Variants in PCCB observed in about 807,000 individuals in gnomAD.
PCCB encodes propionyl-CoA carboxylase subunit beta.
A neutral mutation model predicts 60.7 loss-of-function variants in PCCB; 43 were observed. The ratio of observed to expected loss-of-function variants is 0.71; its 90% CI spans 0.55 to 0.91. The LOEUF is 0.91. PCCB is among the 40% of genes least tolerant of loss of function. The pLI is 0.00. For synonymous variants in PCCB, 276 were observed against 255.9 expected (o/e 1.08, Z -0.75); for missense variants, 766 against 702.8 (o/e 1.09, Z -1.02).
chr3:136,279,393 T>C (rs1484306522), intron 5 of PCCB, among the ~76,000 whole-genome samples: 2 of 152,180 alleles, frequency 1.3e-5, no homozygotes, highest in East Asian at 1.9e-4. Flanking sequence ...GGTGGTGATA[T>C]TTAGTTGAGT....
At chr3:136,314,663 CAA>C (rs1001015691) in intron 9 of PCCB, among the ~76,000 whole-genome samples, 1 of 151,282 alleles carries the variant, frequency 6.6e-6, no homozygotes, top group Non-Finnish European at 1.5e-5. Flanking sequence ...TCAAGAAAAA[CAA>C]AAACAAAAAC....
chr3:136,262,217 G>A, intron 5 of PCCB, 152 bp downstream of exon 5: 1 of 680,384 alleles, frequency 1.5e-6, no homozygotes. Context: ...GTGGGATGAA[G>A]GGTAGATGAA....
chr3:136,290,671 GTTTTT>G (rs61191314), intron 6 of PCCB, among the ~76,000 whole-genome samples: 11 of 60,050 alleles, frequency 1.8e-4, no homozygotes, highest in African/African-American at 5.3e-4. Context: ...TCTCTGTGTA[GTTTTT>G]TTTTTTTTTT....
chr3:136,311,893 A>G (rs557106786), intron 9 of PCCB, among the ~76,000 whole-genome samples: 8 of 152,364 alleles, frequency 5.3e-5, no homozygotes, highest in East Asian at 1.9e-4. Flanking sequence ...AAGTTGTTCT[A>G]TAAATTTAAG....
At chr3:136,294,319 T>C (rs1013761928) in intron 7 of PCCB, among the ~76,000 whole-genome samples, 1 of 151,210 alleles carries the variant, frequency 6.6e-6, no homozygotes, top group Non-Finnish European at 1.5e-5. Flanking sequence ...GTTGTTAACT[T>C]CTTTTTTTTT....
At chr3:136,268,121 T>C (rs867767416) in intron 5 of PCCB, among the ~76,000 whole-genome samples, 2 of 130,728 alleles carry the variant, frequency 1.5e-5, no homozygotes, top group South Asian at 2.3e-4. Flanking sequence ...TATATATATA[T>C]GTATATATAT....
chr3:136,325,240 G>T (rs1300382194), intron 10 of PCCB, among the ~76,000 whole-genome samples: 1 of 152,104 alleles, frequency 6.6e-6, no homozygotes, highest in Non-Finnish European at 1.5e-5. Context: ...GCCCAGGCAG[G>T]TCTCAAACTC....
intron 5 of PCCB, among the ~76,000 whole-genome samples, chr3:136,270,414 A>G (rs1393496977): frequency 3.3e-5 from 5 of 152,180 alleles, no homozygotes; most frequent in Non-Finnish European, 7.4e-5. Context: ...TAGGTTCCCT[A>G]TGCACTGGTT....
At position 136,299,596 on chromosome 3, in the gene PCCB, GTA is replaced by G. The variant is rs1376157280; in HGVS notation, c.885-1432_885-1431del. ...CATGTGTATGTATAGGTATGCATGT[GTA>G]TGTATGTATATGCATGTGTATGTAT... On this transcript the variant is annotated intron_variant, in intron 8 of 14. Coordinates refer to ENST00000251654, the MANE Select transcript of PCCB (RefSeq NM_000532.5). 4.0e-5 allele frequency among the ~76,000 whole-genome samples: 4 copies of G among 99,706 alleles called. 1 individual carries two copies. The highest frequency in any genetic ancestry group is 1.8e-4 in the Admixed American group (2 of 11,384). The allele number at this position is 99,706 out of a possible 152,430, so 65.4% of individuals were successfully genotyped here.
chr3:136,301,409 C>T (rs191674989), intron 9 of PCCB, among the ~76,000 whole-genome samples: 5 of 152,188 alleles, frequency 3.3e-5, no homozygotes, highest in East Asian at 1.9e-4. Flanking sequence ...GGGCCATGTC[C>T]ACAGAGTCTA....
chr3:136,314,148 A>G (rs1934783897), intron 9 of PCCB, among the ~76,000 whole-genome samples: 1 of 152,188 alleles, frequency 6.6e-6, no homozygotes. Context: ...CTTCCAAAAT[A>G]TAAGGTAGTG....
chr3:136,251,424 G>T, intron 1 of PCCB: 1 of 426,110 alleles, frequency 2.3e-6, no homozygotes, highest in South Asian at 1.7e-5. Flanking sequence ...GAGTATTCAG[G>T]CACAACTCAC....
intron 6 of PCCB, 131 bp from the exon 7 acceptor site, chr3:136,293,625 A>C: frequency 1.3e-6 from 1 of 757,700 alleles, no homozygotes; most frequent in Non-Finnish European, 2.4e-6. Context: ...TCGTATCTTT[A>C]AGCTACATCC....
intron 9 of PCCB, among the ~76,000 whole-genome samples, chr3:136,310,350 C>T (rs539777337): frequency 2.0e-5 from 3 of 149,500 alleles, no homozygotes; most frequent in African/African-American, 7.4e-5. Context: ...GCAACAAGAG[C>T]GAAACTCCAT....
At chr3:136,300,885 T>G (rs1934245567) in intron 8 of PCCB, 145 bp from the exon 9 acceptor site, 1 of 707,870 alleles carries the variant, frequency 1.4e-6, no homozygotes, top group African/African-American at 1.7e-5. Flanking sequence ...GGAATGACTC[T>G]TTGGTGACTG....
At position 136,298,002 on chromosome 3, in the gene PCCB, C is replaced by T. The variant is rs375999824; in HGVS notation, c.814C>T (p.Arg272Trp). Reference protein sequence around the residue: ...ENDVDALCNLRDFFNYLPLSS... With the variant: ...ENDVDALCNLWDFFNYLPLSS... ...TGATGTTGATGCCTTGTGTAATCTC[C>T]GGGATTTCTTCAACTACCTGCCCCT... Residue 272 changes from arginine to tryptophan, a missense_variant, in exon 8 of 15, where the codon CGG becomes TGG. Coordinates refer to ENST00000251654, the MANE Select transcript of PCCB (RefSeq NM_000532.5). 30 of 1,614,002 alleles carry T rather than the reference C, an allele frequency of 1.9e-5. No individual in the cohort carries two copies. Among genetic ancestry groups the T allele is most frequent in the African/African-American group, 4.0e-5 (3 of 74,920 alleles).
intron 5 of PCCB, among the ~76,000 whole-genome samples, chr3:136,264,462 GT>G (rs528986250): frequency 9.4e-6 from 1 of 106,432 alleles, no homozygotes; most frequent in Non-Finnish European, 1.9e-5. Flanking sequence ...ATATATATAT[GT>G]TCCTCCTGGC....
At chr3:136,284,942 G>C (rs1393953637) in intron 6 of PCCB, among the ~76,000 whole-genome samples, 1 of 151,958 alleles carries the variant, frequency 6.6e-6, no homozygotes, top group East Asian at 1.9e-4. Context: ...ACAAAAATTA[G>C]CTGGGCGTGG....
chr3:136,298,070 C>T lies in PCCB; in HGVS notation c.882C>T (p.Pro294=), dbSNP rs142730126. 1,966 of 1,614,124 alleles carry T rather than the reference C, an allele frequency of 1.2e-3. 7 individuals carry two copies. The highest frequency in any genetic ancestry group is 1.5e-3 in the Non-Finnish European group (1,737 of 1,179,976). ...CTCCCGTCCGTGAGTGCCACGATCC[C>T]AGGTGGGTTGTAGGCCGGTGCACCT... ...DPAPVRECHD[P]SDRLVPELDT... Residue 294 remains proline (P), a splice_region_variant and synonymous_variant, in exon 8 of 15, where the codon CCC becomes CCT. Transcript: ENST00000251654.
Sources: gnomAD v4.1 joint callset for allele counts (sites outside exome capture counted in the v4.1 genomes callset) on GRCh38, gnomAD v4.1.1 for gene constraint, MANE v1.5 for transcripts, NCBI Gene and HGNC (gene_info 2026-07-23, HGNC 2026-07-21) for gene names.